Variants in SLC9A4 observed in about 807,000 individuals in gnomAD.
SLC9A4 encodes sodium/hydrogen exchanger 4.
A neutral mutation model predicts 67.4 loss-of-function variants in SLC9A4; 63 were observed. The observed-to-expected ratio is 0.93, with a 90% CI of 0.76 to 1.15. The LOEUF (loss-of-function observed/expected upper bound fraction) is 1.15. Ranked by LOEUF, SLC9A4 falls within the 50% of genes most tolerant of loss-of-function variation. The pLI, the probability that SLC9A4 is intolerant of heterozygous loss-of-function variation, is 0.00. For synonymous variants in SLC9A4, 393 were observed against 367.2 expected (o/e 1.07, Z -0.80); for missense variants, 1,089 against 987.7 (o/e 1.10, Z -1.38).
At chr2:102,500,405 C>G (rs1684901008) in intron 2 of SLC9A4, among the ~76,000 whole-genome samples, 1 of 152,166 alleles carries the variant, frequency 6.6e-6, no homozygotes, top group African/African-American at 2.4e-5. Context: ...TTTGAGCCAC[C>G]TAGCTTGTGG....
intron 3 of SLC9A4, among the ~76,000 whole-genome samples, chr2:102,504,718 A>G (rs1215868732): frequency 1.3e-5 from 2 of 152,222 alleles, no homozygotes; most frequent in African/African-American, 4.8e-5. Context: ...CACCTGGAAA[A>G]TGATCAAAAC....
At chr2:102,501,112 C>G (rs1024530854) in intron 2 of SLC9A4, among the ~76,000 whole-genome samples, 1 of 151,560 alleles carries the variant, frequency 6.6e-6, no homozygotes, top group Non-Finnish European at 1.5e-5. Context: ...GCATGCGCCA[C>G]CATGCCTGGC....
chr2:102,521,230 A>C (rs1396897526), intron 9 of SLC9A4, among the ~76,000 whole-genome samples: 3 of 152,176 alleles, frequency 2.0e-5, no homozygotes, highest in African/African-American at 4.8e-5. Flanking sequence ...TGGAGATCCT[A>C]GGACTCTAAT....
chr2:102,504,165 G>T (rs1329013944), intron 3 of SLC9A4, among the ~76,000 whole-genome samples: 1 of 152,140 alleles, frequency 6.6e-6, no homozygotes, highest in Non-Finnish European at 1.5e-5. Context: ...CCATTCTCCT[G>T]CCTCAGCCTC....
At chr2:102,527,186 A>G (rs1338778953) in intron 11 of SLC9A4, among the ~76,000 whole-genome samples, 1 of 152,226 alleles carries the variant, frequency 6.6e-6, no homozygotes, top group Non-Finnish European at 1.5e-5. Context: ...TATGATCACC[A>G]TAGAATGTTT....
chr2:102,517,751 G>A (rs920285537), intron 8 of SLC9A4, among the ~76,000 whole-genome samples: 1 of 152,158 alleles, frequency 6.6e-6, no homozygotes, highest in Non-Finnish European at 1.5e-5. Flanking sequence ...TAAGTAAGAA[G>A]AGTTATGGGA....
chr2:102,521,396 C>T (rs1685415868), intron 9 of SLC9A4, among the ~76,000 whole-genome samples: 1 of 152,170 alleles, frequency 6.6e-6, no homozygotes, highest in South Asian at 2.1e-4. Flanking sequence ...TTCCTCATTG[C>T]CCTCGAATTA....
chr2:102,478,802 G>A (rs760956248), intron 1 of SLC9A4, 37 bp from the exon 2 acceptor site: 32 of 1,592,504 alleles, frequency 2.0e-5, no homozygotes, highest in Non-Finnish European at 2.7e-5. Context: ...AGACCGTTTC[G>A]TTTGCAAGCA....
chr2:102,494,877 T>C (rs958182489), intron 2 of SLC9A4, among the ~76,000 whole-genome samples: 57 of 152,238 alleles, frequency 3.7e-4, no homozygotes, highest in African/African-American at 1.3e-3. Context: ...ATGACAATTC[T>C]ATAATTTTAG....
At chr2:102,520,119 A>G (rs1685374499) in intron 9 of SLC9A4, among the ~76,000 whole-genome samples, 164 bp downstream of exon 9, 1 of 152,178 alleles carries the variant, frequency 6.6e-6, no homozygotes, top group Non-Finnish European at 1.5e-5. Flanking sequence ...TAGAAAGTTA[A>G]TTGTCATGTT....
intron 2 of SLC9A4, among the ~76,000 whole-genome samples, chr2:102,487,246 A>G (rs1684607463): frequency 6.6e-6 from 1 of 152,086 alleles, no homozygotes; most frequent in Non-Finnish European, 1.5e-5. Context: ...AGAGAGAAAC[A>G]GAGAGAGAGA....
intron 2 of SLC9A4, among the ~76,000 whole-genome samples, chr2:102,480,105 A>G (rs1684427248): frequency 6.6e-6 from 1 of 152,192 alleles, no homozygotes; most frequent in Non-Finnish European, 1.5e-5. Flanking sequence ...ACTAGAATAC[A>G]TTTTCACTGT....
chr2:102,519,709 A>G (rs1685359492), intron 8 of SLC9A4, 150 bp from the exon 9 acceptor site: 2 of 580,792 alleles, frequency 3.4e-6, no homozygotes, highest in Admixed American at 3.7e-5. Context: ...TTGACATCAA[A>G]CCAACTTACT....
At chr2:102,501,711 T>G (rs192599057) in intron 2 of SLC9A4, among the ~76,000 whole-genome samples, 1 of 152,012 alleles carries the variant, frequency 6.6e-6, no homozygotes, top group Admixed American at 6.5e-5. Context: ...CACAAAGCAG[T>G]GTGTGGTTCT....
chr2:102,500,483 G>A (rs1684907459), intron 2 of SLC9A4, among the ~76,000 whole-genome samples: 1 of 152,116 alleles, frequency 6.6e-6, no homozygotes, highest in African/African-American at 2.4e-5. Flanking sequence ...TTGTAGAGGT[G>A]CTTGTGGACA....
chr2:102,514,363 A>T (rs1280387281), intron 8 of SLC9A4, 112 bp downstream of exon 8: 1 of 662,502 alleles, frequency 1.5e-6, no homozygotes, highest in Non-Finnish European at 2.4e-6. Context: ...AAATATAAAG[A>T]AGAAATTATT....
Position 102,477,292 on chromosome 2 carries a change from A to T in SLC9A4, c.257-1547A>T, listed in dbSNP as rs149347685. ...GGGCCATTTCTTCCTCTCTTATTTC[A>T]CTCTTGATGTTCTCCCCACCTAAAA... On this transcript the variant is annotated intron_variant, in intron 1 of 11. Transcript: ENST00000295269. Among the ~76,000 whole-genome samples the T allele has an allele frequency of 4.5e-3, 684 of 151,950 alleles. 5 individuals carry two copies. Among genetic ancestry groups the T allele is most frequent in the African/African-American group, 0.016 (658 of 41,414 alleles).
Position 102,532,787 on chromosome 2 carries a change from T to C in SLC9A4, c.*99T>C. 7.8e-7 allele frequency: 1 copy of C among 1,281,986 alleles called. No homozygotes were observed. Among genetic ancestry groups the C allele is most frequent in the Non-Finnish European group, 1.1e-6 (1 of 931,988 alleles). The allele number at this position is 1,281,986 out of a possible 1,614,324, so 79.4% of individuals were successfully genotyped here. On this transcript the variant is annotated 3_prime_UTR_variant, in exon 12 of 12. Transcript: ENST00000295269. ...GGAATTCAGAAGAGAGCTATTGAGT[T>C]TGCTGTGTTGAAGCTATTAAACATG...
intron 2 of SLC9A4, among the ~76,000 whole-genome samples, chr2:102,502,833 C>T (rs1043525331): frequency 4.6e-5 from 7 of 152,340 alleles, no homozygotes; most frequent in African/African-American, 1.2e-4. Context: ...GTGGGCTGCT[C>T]GGGTGGAGCC....
Sources: gnomAD v4.1 joint callset for allele counts (sites outside exome capture counted in the v4.1 genomes callset) on GRCh38, gnomAD v4.1.1 for gene constraint, MANE v1.5 for transcripts, NCBI Gene and HGNC (gene_info 2026-07-23, HGNC 2026-07-21) for gene names.